Variants in SLC9A9 observed in about 807,000 individuals in gnomAD.
SLC9A9 encodes the protein solute carrier family 9 member A9.
In SLC9A9, 62 loss-of-function variants were observed where a neutral mutation model predicts 77.8. The ratio of observed to expected loss-of-function variants is 0.80; its 90% CI spans 0.65 to 0.98. The LOEUF (loss-of-function observed/expected upper bound fraction) is 0.98. SLC9A9 is among the 50% of genes least tolerant of loss of function. SLC9A9 has a pLI of 0.00. For synonymous variants in SLC9A9, 320 were observed against 283.5 expected (o/e 1.13, Z -1.29); for missense variants, 775 against 774.9 (o/e 1.00, Z 0.00).
At chr3:143,595,789 T>A (rs2037741750) in intron 6 of SLC9A9, among the ~76,000 whole-genome samples, 2 of 152,182 alleles carry the variant, frequency 1.3e-5, no homozygotes, top group Non-Finnish European at 1.5e-5. Context: ...CTCCTTCAAG[T>A]GGTGTTTAAT....
chr3:143,820,821 T>TG (rs1553725996), intron 2 of SLC9A9, among the ~76,000 whole-genome samples: 1 of 95,356 alleles, frequency 1.0e-5, no homozygotes, highest in Non-Finnish European at 2.9e-5. Context: ...TAATATTGGC[T>TG]ATTTTTTTTA....
At chr3:143,446,639 G>A (rs2034848255) in intron 12 of SLC9A9, among the ~76,000 whole-genome samples, 2 of 152,154 alleles carry the variant, frequency 1.3e-5, no homozygotes, top group African/African-American at 4.8e-5. Context: ...AGATCCATTA[G>A]TGAACCATGA....
intron 14 of SLC9A9, among the ~76,000 whole-genome samples, chr3:143,288,393 C>G (rs1378495094): frequency 6.6e-6 from 1 of 152,150 alleles, no homozygotes; most frequent in Non-Finnish European, 1.5e-5. Flanking sequence ...TCCAAGAGTT[C>G]TTTTAGGATC....
rs539979379 is a variant in SLC9A9, at chr3:143,431,147, C to T, written c.1469+35890G>A. ...CTCAAGGCCTTTCACAGTCTGGTGC[C>T]CCTAAATCTTTCTCATCTCACCTCC... On this transcript the variant is annotated intron_variant, in intron 12 of 15. Transcript: ENST00000316549. Among the ~76,000 whole-genome samples, 33 of 152,078 alleles carry T rather than the reference C, an allele frequency of 2.2e-4. No homozygotes were observed. In the South Asian group the frequency reaches 6.7e-3, roughly 31 times the overall value.
rs1249166852 is a variant in SLC9A9, at chr3:143,600,449, G to A, written c.756-21726C>T. ...AGAACTGAAAGAAATTCCCCTGGAT[G>A]GACAAGAATTCTATAAGTGTGTGAA... On this transcript the variant is annotated intron_variant, in intron 6 of 15. Coordinates refer to ENST00000316549, the MANE Select transcript of SLC9A9 (RefSeq NM_173653.4). 2.0e-5 allele frequency among the ~76,000 whole-genome samples: 3 copies of A among 152,180 alleles called. No individual in the cohort carries two copies. In the East Asian group the frequency reaches 5.8e-4, roughly 29 times the overall value.
intron 14 of SLC9A9, among the ~76,000 whole-genome samples, chr3:143,337,602 A>G (rs927276624): frequency 6.6e-6 from 1 of 152,214 alleles, no homozygotes; most frequent in Non-Finnish European, 1.5e-5. Flanking sequence ...CTGGAGAAAC[A>G]TATGGCTCCC....
chr3:143,793,041 G>T (rs2108856464), intron 4 of SLC9A9, among the ~76,000 whole-genome samples: 1 of 152,056 alleles, frequency 6.6e-6, no homozygotes, highest in South Asian at 2.1e-4. Context: ...AATTTTTGTT[G>T]CTCAGATACC....
intron 4 of SLC9A9, among the ~76,000 whole-genome samples, chr3:143,725,254 G>A (rs151218459): frequency 3.3e-5 from 5 of 152,284 alleles, no homozygotes; most frequent in Admixed American, 1.3e-4. Context: ...TGGAAAGGAT[G>A]TGGAGAAATA....
At chr3:143,425,522 C>T (rs540485394) in intron 12 of SLC9A9, among the ~76,000 whole-genome samples, 1 of 152,164 alleles carries the variant, frequency 6.6e-6, no homozygotes, top group Non-Finnish European at 1.5e-5. Context: ...ATAGACAGCA[C>T]TTTGATGTGG....
At chr3:143,314,193 T>C (rs1053953173) in intron 14 of SLC9A9, 1 of 152,278 alleles carries the variant, frequency 6.6e-6, no homozygotes, top group Non-Finnish European at 1.5e-5. Context: ...CATTACTAAC[T>C]GTTCAGTAAA....
At chr3:143,303,326 G>T (rs1401843252) in intron 14 of SLC9A9, among the ~76,000 whole-genome samples, 1 of 152,156 alleles carries the variant, frequency 6.6e-6, no homozygotes, top group Non-Finnish European at 1.5e-5. Flanking sequence ...TTCCAAAGGG[G>T]AACAAATGTT....
chr3:143,363,609 G>T, intron 13 of SLC9A9, 46 bp from the exon 14 acceptor site: 2 of 1,524,830 alleles, frequency 1.3e-6, no homozygotes, highest in South Asian at 1.1e-5. Flanking sequence ...TAGTCAAAAA[G>T]ATTTTAATAT....
chr3:143,625,802 A>G (rs993580332), intron 6 of SLC9A9, among the ~76,000 whole-genome samples: 2 of 152,324 alleles, frequency 1.3e-5, no homozygotes, highest in Middle Eastern at 3.4e-3. Context: ...GCACAGCAAA[A>G]GAAACTACCA....
At chr3:143,771,907 A>C (rs1303371415) in intron 4 of SLC9A9, among the ~76,000 whole-genome samples, 1 of 152,122 alleles carries the variant, frequency 6.6e-6, no homozygotes, top group Non-Finnish European at 1.5e-5. Context: ...TCCCCTTTCC[A>C]GGTCTCCTCC....
intron 12 of SLC9A9, among the ~76,000 whole-genome samples, chr3:143,439,953 G>T (rs1360637098): frequency 6.6e-6 from 1 of 152,200 alleles, no homozygotes; most frequent in Non-Finnish European, 1.5e-5. Flanking sequence ...TGCTTCAGGA[G>T]TTCAGAGACT....
At chr3:143,346,618 T>C (rs747518074) in intron 14 of SLC9A9, among the ~76,000 whole-genome samples, 13 of 152,008 alleles carry the variant, frequency 8.6e-5, no homozygotes, top group Non-Finnish European at 1.5e-5. Flanking sequence ...TGAAACCCCA[T>C]CTCTACTCAA....
At chr3:143,693,648 T>A (rs1043081726) in intron 4 of SLC9A9, among the ~76,000 whole-genome samples, 2 of 152,194 alleles carry the variant, frequency 1.3e-5, no homozygotes, top group African/African-American at 4.8e-5. Flanking sequence ...TGCTGACATT[T>A]GTAAATTGAT....
chr3:143,848,233 CA>C lies in SLC9A9; in HGVS notation c.89del (p.Leu30CysfsTer7). 1 of 1,613,912 alleles carries C rather than the reference CA, an allele frequency of 6.2e-7. No homozygotes were observed. The highest frequency in any genetic ancestry group is 8.5e-7 in the Non-Finnish European group (1 of 1,179,896). On this transcript the variant is annotated frameshift_variant, in exon 1 of 16. Transcript: ENST00000316549. LOFTEE classifies it high-confidence loss of function. ...AGATTGTCAAAATGGTAAGGATGAG[CA>C]AAAAATTGAAGACAAGCAGCTCCAC... ...GAVELLVFNF[L>X]LILTILTIWL...
chr3:143,812,814 C>A (rs111585129), intron 2 of SLC9A9, among the ~76,000 whole-genome samples: 2 of 152,272 alleles, frequency 1.3e-5, no homozygotes, highest in African/African-American at 2.4e-5. Context: ...GAGAGGAACC[C>A]AGTGCCCCAT....
Sources: allele counts gnomAD v4.1 joint callset (sites outside exome capture counted in the v4.1 genomes callset), GRCh38; gene constraint gnomAD v4.1.1; transcripts MANE v1.5; gene names NCBI Gene and HGNC (gene_info 2026-07-23, HGNC 2026-07-21).